Variants in CCNB1 observed in about 807,000 individuals in gnomAD.
CCNB1 encodes the protein cyclin B1.
CCNB1 carries 26 observed loss-of-function variants against 44.4 expected under a neutral mutation model. The observed-to-expected ratio is 0.59, with a 90% CI of 0.43 to 0.81. The LOEUF (loss-of-function observed/expected upper bound fraction) is 0.81. Ranked by LOEUF, CCNB1 falls within the 40% of genes least tolerant of loss-of-function variation. The pLI is 0.00. For synonymous variants in CCNB1, 195 were observed against 181.4 expected, an observed-to-expected ratio of 1.08 and a Z score of -0.60; for missense variants, 477 against 520.9, an observed-to-expected ratio of 0.92 and a Z score of 0.82.
At chr5:69,175,220 G>A in intron 6 of CCNB1, 107 bp downstream of exon 6, 1 of 1,029,518 alleles carries the variant, frequency 9.7e-7, no homozygotes, top group South Asian at 1.4e-5. Flanking sequence ...AACTACATGG[G>A]GAAGGGATAA....
chr5:69,167,757 CAGAGT>C (rs1267145951), intron 1 of CCNB1, 146 bp from the exon 2 acceptor site: 9 of 647,460 alleles, frequency 1.4e-5, no homozygotes, highest in Non-Finnish European at 2.3e-5. Flanking sequence ...GTCACGGCCG[CAGAGT>C]AGACTCTGGG....
chr5:69,175,238 C>T lies in CCNB1; in HGVS notation c.942+125C>T, dbSNP rs1345612521. The T allele has an allele frequency of 6.8e-6, 7 of 1,036,030 alleles. No homozygotes were observed. In the South Asian group the frequency reaches 1.1e-4, roughly 16 times the overall value. The allele number at this position is 1,036,030 out of a possible 1,614,324, so 64.2% of individuals were successfully genotyped here. On this transcript the variant is annotated intron_variant, in intron 6 of 8. Coordinates refer to ENST00000256442, the MANE Select transcript of CCNB1 (RefSeq NM_031966.4). ...TACATGGGGAAGGGATAAAGTTGTT[C>T]TTTATTTCTAGTCAGGCTGCATGTT... is the stretch of plus-strand genomic sequence containing the variant.
At chr5:69,171,005 A>G (rs1747447252) in intron 3 of CCNB1, among the ~76,000 whole-genome samples, 1 of 152,024 alleles carries the variant, frequency 6.6e-6, no homozygotes, top group Non-Finnish European at 1.5e-5. Flanking sequence ...GCTGGTCTTG[A>G]ACTCCTAGCC....
At chr5:69,173,680 G>A (rs992406589) in intron 4 of CCNB1, among the ~76,000 whole-genome samples, 1 of 152,134 alleles carries the variant, frequency 6.6e-6, no homozygotes, top group African/African-American at 2.4e-5. Context: ...GGAAGGGAGT[G>A]GACCAGCAGC....
chr5:69,175,240 T>G, intron 6 of CCNB1, 127 bp downstream of exon 6: 1 of 1,037,336 alleles, frequency 9.6e-7, no homozygotes, highest in Non-Finnish European at 1.4e-6. Context: ...AAGTTGTTCT[T>G]TATTTCTAGT....
rs113314557 is a variant in CCNB1 at position 69,171,468 on chromosome 5, C to A, written c.546+16C>A. 1 of 1,546,958 alleles carries A rather than the reference C, an allele frequency of 6.5e-7. No individual in the cohort carries two copies. The highest frequency in any genetic ancestry group is 1.2e-5 in the South Asian group (1 of 83,148). ...ACAACTTGAGGTAAGTATTATCATTCGTTTTTTTTCTAAACTGCATCTAAC... is the reference window on the plus strand; with the variant it reads ...ACAACTTGAGGTAAGTATTATCATTAGTTTTTTTTCTAAACTGCATCTAAC... On this transcript the variant is annotated intron_variant, in intron 4 of 8. Coordinates refer to ENST00000256442, the MANE Select transcript of CCNB1 (RefSeq NM_031966.4).
In CCNB1 at chr5:69,175,426, A is replaced by G. The variant is rs985671768; in HGVS notation, c.972A>G (p.Lys324=). ...ATGTCGAGCAACATACTTTGGCCAA[A>G]TACCTGATGGAACTAACTATGTTGG... ...EVDVEQHTLA[K]YLMELTMLDY... is the part of the protein sequence containing the mutation. The change falls in exon 7 of 9, where the codon AAA becomes AAG. Residue 324 remains lysine (K), a synonymous_variant. Coordinates refer to ENST00000256442, the MANE Select transcript of CCNB1 (RefSeq NM_031966.4). The G allele has an allele frequency of 8.1e-6, 13 of 1,613,648 alleles. No homozygotes were observed. Among genetic ancestry groups the G allele is most frequent in the Non-Finnish European group, 1.1e-5 (13 of 1,179,924 alleles).
intron 1 of CCNB1, 135 bp downstream of exon 1, chr5:69,167,418 C>A: frequency 4.3e-6 from 4 of 927,366 alleles, no homozygotes; most frequent in Non-Finnish European, 6.7e-6. Flanking sequence ...GGGGACTCAC[C>A]AAGAGAGCGC....
chr5:69,169,831 T>G (rs983745582), intron 3 of CCNB1, among the ~76,000 whole-genome samples: 8 of 152,114 alleles, frequency 5.3e-5, no homozygotes, highest in African/African-American at 9.7e-5. Flanking sequence ...TTTGTATTTT[T>G]AGTAGAGACG....
chr5:69,173,291 A>C (rs1314581310), intron 4 of CCNB1, among the ~76,000 whole-genome samples: 1 of 152,062 alleles, frequency 6.6e-6, no homozygotes, highest in East Asian at 1.9e-4. Flanking sequence ...CCTCGTACCC[A>C]CGGCTTGGGT....
chr5:69,176,383 GTCTC>G (rs1267863729), intron 7 of CCNB1, among the ~76,000 whole-genome samples: 3 of 151,884 alleles, frequency 2.0e-5, no homozygotes, highest in Admixed American at 6.5e-5. Flanking sequence ...TCGAGACGGA[GTCTC>G]TCTCTGTCGC....
chr5:69,167,640 C>G (rs760746586), intron 1 of CCNB1, among the ~76,000 whole-genome samples: 9 of 152,110 alleles, frequency 5.9e-5, no homozygotes, highest in Non-Finnish European at 1.2e-4. Flanking sequence ...CAATTGGAGG[C>G]TTTTTCGGTT....
chr5:69,176,810 C>T (rs190909990), intron 7 of CCNB1, among the ~76,000 whole-genome samples: 1 of 151,928 alleles, frequency 6.6e-6, no homozygotes, highest in African/African-American at 2.4e-5. Context: ...GAAACCCTAT[C>T]TCTACTAAAA....
At position 69,177,170 on chromosome 5, in the gene CCNB1, C is replaced by A; in HGVS notation, c.1084-69C>A. 4 of 860,618 alleles carry A rather than the reference C, an allele frequency of 4.6e-6. No homozygotes were observed. In the South Asian group the frequency reaches 5.9e-5, roughly 13 times the overall value. The allele number at this position is 860,618 out of a possible 1,614,324, so 53.3% of individuals were successfully genotyped here. A position where few individuals can be genotyped will look rare whatever the true frequency, so the allele number is the denominator to read the frequency against. ...TCTCTTTTCCACTCCTGAATAACAT[C>A]TAACATCTAGAAACTTTATGAAAAT... On this transcript the variant is annotated intron_variant, in intron 7 of 8. Transcript: ENST00000256442.
rs1214651515 is a variant in CCNB1 at position 69,168,233 on chromosome 5, A to C, written c.253A>C (p.Lys85Gln). 6.2e-7 allele frequency: 1 copy of C among 1,614,218 alleles called. No individual in the cohort carries two copies. Among genetic ancestry groups the C allele is most frequent in the Admixed American group, 1.7e-5 (1 of 60,012 alleles). The stretch of plus-strand genomic sequence containing the variant: ...TAAAAAACTACCAAAACCTCTTGAA[A>C]AGGTACCTATGCTGGTGCCAGTGCC... ...IDKKLPKPLE[K>Q]VPMLVPVPVS... The change falls in exon 3 of 9, where the codon AAG becomes CAG. Residue 85 changes from lysine to glutamine, a missense_variant. Coordinates refer to ENST00000256442, the MANE Select transcript of CCNB1 (RefSeq NM_031966.4).
intron 7 of CCNB1, among the ~76,000 whole-genome samples, chr5:69,176,513 C>G (rs1030384081): frequency 6.7e-6 from 1 of 149,504 alleles, no homozygotes; most frequent in African/African-American, 2.5e-5. Context: ...CCTGCCACCA[C>G]GCCCGGCTAA....
intron 1 of CCNB1, chr5:69,167,495 A>T (rs760028849): frequency 1.7e-6 from 1 of 576,432 alleles, no homozygotes; most frequent in Non-Finnish European, 3.1e-6. Context: ...GGTGAGAAAG[A>T]GAACTGGACG....
chr5:69,177,621 C>A lies in CCNB1; in HGVS notation c.1292C>A (p.Ala431Glu). 1 of 1,607,168 alleles carries A rather than the reference C, an allele frequency of 6.2e-7. No individual in the cohort carries two copies. The highest frequency in any genetic ancestry group is 8.5e-7 in the Non-Finnish European group (1 of 1,173,936). ...ALVQDLAKAVAKV is the reference protein window; with the variant it reads ...ALVQDLAKAVEKV ...GTTCAAGATTTAGCCAAGGCTGTGG[C>A]AAAGGTGTAACTTGTAAACTTGAGT... The change falls in exon 9 of 9, where the codon GCA becomes GAA. Residue 431 changes from alanine to glutamate, a missense_variant. Ala to Glu is a moderately radical substitution (Grantham distance 107). Coordinates refer to ENST00000256442, the MANE Select transcript of CCNB1 (RefSeq NM_031966.4).
intron 7 of CCNB1, 23 bp downstream of exon 7, chr5:69,175,560 CCT>C: frequency 1.2e-6 from 2 of 1,603,498 alleles, no homozygotes; most frequent in Admixed American, 1.7e-5. Flanking sequence ...CCACAGAACT[CCT>C]AAGCTTTTAA....
Sources: allele counts gnomAD v4.1 joint callset (sites outside exome capture counted in the v4.1 genomes callset), GRCh38; gene constraint gnomAD v4.1.1; transcripts MANE v1.5; gene names NCBI Gene and HGNC (gene_info 2026-07-23, HGNC 2026-07-21).